Variants in ZC3H7B observed in about 807,000 individuals in gnomAD.
The protein encoded by ZC3H7B is zinc finger CCCH domain-containing protein 7B.
A neutral mutation model predicts 116.0 loss-of-function variants in ZC3H7B; 35 were observed. That is an observed-to-expected ratio of 0.30 (90% CI 0.23 to 0.40). The LOEUF is 0.40. Among genes scored for constraint, ZC3H7B ranks in the 10% least tolerant of loss-of-function variants. The pLI is 1.00. For missense variants in ZC3H7B, 1,011 were observed against 1,321.5 expected, an observed-to-expected ratio of 0.77 and a Z score of 3.64; for synonymous variants, 502 against 545.6, an observed-to-expected ratio of 0.92 and a Z score of 1.11.
intron 11 of ZC3H7B, 42 bp from the exon 12 acceptor site, chr22:41,342,487 C>A (rs1284408775): frequency 6.3e-7 from 1 of 1,595,202 alleles, no homozygotes. Flanking sequence ...TGGCCTCAGC[C>A]ATCATCCAGT....
rs1277455140 is a variant in ZC3H7B, at chr22:41,327,929, G to T, written c.444+565G>T. Among the ~76,000 whole-genome samples, 1 of 152,124 alleles carries T rather than the reference G, an allele frequency of 6.6e-6. No homozygotes were observed. The highest frequency in any genetic ancestry group is 2.4e-5 in the African/African-American group (1 of 41,422). ...ACTTGAGCTCAGGAGTTTGCAACTAGCCTGAGCAACATAGCAAGACCCTGT... is the reference window on the plus strand; with the variant it reads ...ACTTGAGCTCAGGAGTTTGCAACTATCCTGAGCAACATAGCAAGACCCTGT... On this transcript the variant is annotated intron_variant, in intron 5 of 22. Coordinates refer to ENST00000352645, the MANE Select transcript of ZC3H7B (RefSeq NM_017590.6). This position sits in a 1 kb window ranked among gnomAD's most constrained non-coding sequence, Gnocchi z 4.5.
At chr22:41,334,341 G>A (rs564823070) in intron 7 of ZC3H7B, 23 of 152,376 alleles carry the variant, frequency 1.5e-4, no homozygotes, top group African/African-American at 5.5e-4. Flanking sequence ...GAATGACTGC[G>A]GCCAGGGGGC....
intron 1 of ZC3H7B, among the ~76,000 whole-genome samples, chr22:41,312,330 T>G (rs897369684): frequency 2.0e-5 from 3 of 151,826 alleles, no homozygotes; most frequent in Non-Finnish European, 2.9e-5. Context: ...TAGCTGGGCA[T>G]GATGGCACAT....
At position 41,355,940 on chromosome 22, in the gene ZC3H7B, CG is replaced by C; in HGVS notation, c.2275-13del. On this transcript the variant is annotated splice_polypyrimidine_tract_variant and intron_variant, in intron 19 of 22. Coordinates refer to ENST00000352645, the MANE Select transcript of ZC3H7B (RefSeq NM_017590.6). Reference sequence around the variant, plus strand: ...CAGCGGGACTCAGAGGATCTCCCCACGCCCACCCCACAGCTCTGCATCCATG... The same window carrying C: ...CAGCGGGACTCAGAGGATCTCCCCACCCCACCCCACAGCTCTGCATCCATG... The C allele has an allele frequency of 6.3e-7, 1 of 1,597,492 alleles. No homozygotes were observed. Among genetic ancestry groups the C allele is most frequent in the Admixed American group, 1.7e-5 (1 of 58,560 alleles).
chr22:41,328,716 T>C (rs1286487563), intron 5 of ZC3H7B, among the ~76,000 whole-genome samples: 2 of 152,184 alleles, frequency 1.3e-5, no homozygotes, highest in African/African-American at 4.8e-5. Flanking sequence ...GGTTGCTGTT[T>C]AGTGATCACT....
chr22:41,358,719 C>A lies in ZC3H7B; in HGVS notation c.*1290C>A. 1 of 156,992 alleles carries A rather than the reference C, an allele frequency of 6.4e-6. No individual in the cohort carries two copies. The highest frequency in any genetic ancestry group is 1.4e-5 in the Non-Finnish European group (1 of 69,566). The allele number at this position is 156,992 out of a possible 1,614,324, so 9.7% of individuals were successfully genotyped here. A position where few individuals can be genotyped will look rare whatever the true frequency, so the allele number is the denominator to read the frequency against. On this transcript the variant is annotated 3_prime_UTR_variant, in exon 23 of 23. Coordinates refer to ENST00000352645, the MANE Select transcript of ZC3H7B (RefSeq NM_017590.6). ...GACTTCAGTGGACCCCCAGCCCCTG[C>A]CCCCACTCACCAAGGCCTCGCTCGT...
intron 5 of ZC3H7B, among the ~76,000 whole-genome samples, chr22:41,329,176 C>G (rs5758300): frequency 0.41 from 60,807 of 149,200 alleles, 15,136 homozygotes; most frequent in African/African-American, 0.67. Context: ...CTGCACTCCA[C>G]CCTGGGTGAC....
intron 2 of ZC3H7B, among the ~76,000 whole-genome samples, chr22:41,322,784 C>G (rs1236154332): frequency 6.6e-6 from 1 of 152,144 alleles, no homozygotes; most frequent in African/African-American, 2.4e-5. Context: ...TCACACAGAC[C>G]AGTAAAACAC....
intron 1 of ZC3H7B, among the ~76,000 whole-genome samples, chr22:41,308,900 C>G (rs977920844): frequency 2.0e-5 from 3 of 152,100 alleles, no homozygotes; most frequent in Non-Finnish European, 1.5e-5. Flanking sequence ...GCCCTGTCCC[C>G]TGCTAGGTAG....
rs753896481 is a variant in ZC3H7B at position 41,310,121 on chromosome 22, T to C, written c.-7+8349T>C. ...TCGGGAGGCTGAGGCAGGAGAATGG[T>C]GTGAACCCGGGAGGCGGAGCTTACA... On this transcript the variant is annotated intron_variant, in intron 1 of 22. Transcript: ENST00000352645. Among the ~76,000 whole-genome samples the C allele has an allele frequency of 2.0e-4, 30 of 151,994 alleles. 1 individual carries two copies. Among genetic ancestry groups the C allele is most frequent in the Non-Finnish European group, 3.7e-4 (25 of 67,998 alleles).
chr22:41,339,719 CAG>C, intron 9 of ZC3H7B, 95 bp from the exon 10 acceptor site: 1 of 1,180,940 alleles, frequency 8.5e-7, no homozygotes, highest in Non-Finnish European at 1.2e-6. Context: ...AGCCAGGCGA[CAG>C]GGTGCAGGTC....
intron 17 of ZC3H7B, among the ~76,000 whole-genome samples, chr22:41,352,241 C>G (rs6002345): frequency 6.6e-6 from 1 of 152,172 alleles, no homozygotes; most frequent in Non-Finnish European, 1.5e-5. Flanking sequence ...CCTCTGGGCT[C>G]GTGTGAGTTT....
In ZC3H7B at chr22:41,351,665, A is replaced by G. The variant is rs773068193; in HGVS notation, c.2034+19A>G. 2.5e-6 allele frequency: 4 copies of G among 1,608,910 alleles called. No individual in the cohort carries two copies. The African/African-American group carries it at 4.0e-5, about 16-fold the overall frequency. On this transcript the variant is annotated intron_variant, in intron 17 of 22. Transcript: ENST00000352645. The surrounding 1 kb of genome is among the most constrained non-coding windows in gnomAD (Gnocchi z 5.1). ...CAGCATGGTAAGGCCTTCTGATACT[A>G]TGCCATTATTCAGATTTTGTGAATT...
chr22:41,327,380 C>A lies in ZC3H7B; in HGVS notation c.444+16C>A. 6.2e-7 allele frequency: 1 copy of A among 1,606,284 alleles called. No individual in the cohort carries two copies. On this transcript the variant is annotated intron_variant, in intron 5 of 22. Transcript: ENST00000352645. The surrounding 1 kb of genome is among the most constrained non-coding windows in gnomAD (Gnocchi z 4.5). ...CCTGCCCCACGTGAGTGTGGCTCTG[C>A]AGCCACGCCGGTGCCTGCTCAGAGG...
intron 10 of ZC3H7B, among the ~76,000 whole-genome samples, chr22:41,340,506 C>T (rs2036508103): frequency 6.6e-6 from 1 of 152,094 alleles, no homozygotes; most frequent in Non-Finnish European, 1.5e-5. Flanking sequence ...CTGCACCACT[C>T]TGGGCTGGGT....
At chr22:41,329,200 A>T (rs1389875096) in intron 5 of ZC3H7B, among the ~76,000 whole-genome samples, 1 of 150,308 alleles carries the variant, frequency 6.7e-6, no homozygotes, top group Non-Finnish European at 1.5e-5. Flanking sequence ...GCAAGACTCC[A>T]TCTCAAAAAA....
At chr22:41,345,927 C>T in intron 13 of ZC3H7B, 76 bp from the exon 14 acceptor site, 2 of 1,488,588 alleles carry the variant, frequency 1.3e-6, no homozygotes, top group African/African-American at 1.4e-5. Flanking sequence ...GCCCCACAGG[C>T]CGCAGCGGGG....
In ZC3H7B at chr22:41,314,568, T is replaced by C. The variant is rs139606629; in HGVS notation, c.-6-6087T>C. On this transcript the variant is annotated intron_variant, in intron 1 of 22. Transcript: ENST00000352645. Reference sequence around the variant, plus strand: ...TCCCAAAGTGCTGGGATTACAGGCATGAGTCACCATGTGCGGCCCATAATC... The same window carrying C: ...TCCCAAAGTGCTGGGATTACAGGCACGAGTCACCATGTGCGGCCCATAATC... Among the ~76,000 whole-genome samples the C allele has an allele frequency of 7.8e-3, 1,179 of 152,096 alleles. 18 individuals carry two copies. Among genetic ancestry groups the C allele is most frequent in the African/African-American group, 0.028 (1,154 of 41,494 alleles).
rs1191720338 is a variant in ZC3H7B, at chr22:41,301,668, T to C, written c.-111T>C. The C allele has an allele frequency of 6.6e-6, 1 of 152,226 alleles. No individual in the cohort carries two copies. The highest frequency in any genetic ancestry group is 2.1e-4 in the South Asian group (1 of 4,826). The allele number at this position is 152,226 out of a possible 1,614,324, so 9.4% of individuals were successfully genotyped here. ...TGCGGCCGCCCGTAATTAAATAGCA[T>C]TTACTCTTATTATTACTAATAATAA... On this transcript the variant is annotated 5_prime_UTR_variant, in exon 1 of 23. Coordinates refer to ENST00000352645, the MANE Select transcript of ZC3H7B (RefSeq NM_017590.6).
Sources: gnomAD v4.1 joint callset for allele counts (sites outside exome capture counted in the v4.1 genomes callset) on GRCh38, gnomAD v4.1.1 for gene constraint, Gnocchi (gnomAD v3.1) non-coding constraint, MANE v1.5 for transcripts, NCBI Gene and HGNC (gene_info 2026-07-23, HGNC 2026-07-21) for gene names.